Variants in ATP6V1A observed in about 807,000 individuals in gnomAD.
ATP6V1A encodes ATPase H+ transporting V1 subunit A.
Under a neutral mutation model 70.1 loss-of-function variants are expected in ATP6V1A, and 18 were observed. The ratio of observed to expected loss-of-function variants is 0.26; its 90% CI spans 0.18 to 0.38. The LOEUF is 0.38. ATP6V1A is among the 10% of genes least tolerant of loss of function. The pLI, the probability that ATP6V1A is intolerant of heterozygous loss-of-function variation, is 1.00. For missense variants in ATP6V1A, 424 were observed against 772.4 expected, an observed-to-expected ratio of 0.55 and a Z score of 5.35; for synonymous variants, 232 against 253.8, an observed-to-expected ratio of 0.91 and a Z score of 0.82.
chr3:113,800,812 T>TA (rs1267794651), intron 12 of ATP6V1A, among the ~76,000 whole-genome samples: 1 of 152,116 alleles, frequency 6.6e-6, no homozygotes, highest in Non-Finnish European at 1.5e-5. Flanking sequence ...CTACCCTGGT[T>TA]AAAGGTAACA....
intron 12 of ATP6V1A, among the ~76,000 whole-genome samples, chr3:113,799,918 C>T (rs552857636): frequency 6.6e-6 from 1 of 152,154 alleles, no homozygotes; most frequent in African/African-American, 2.4e-5. Flanking sequence ...TGCTCTTGGA[C>T]GGAATGACTT....
At chr3:113,750,766 G>GAA (rs1559746570) in intron 1 of ATP6V1A, among the ~76,000 whole-genome samples, 2 of 152,082 alleles carry the variant, frequency 1.3e-5, no homozygotes, top group African/African-American at 2.4e-5. Flanking sequence ...TAACTACTTT[G>GAA]ATTTTATATA....
intron 11 of ATP6V1A, among the ~76,000 whole-genome samples, chr3:113,797,216 C>T (rs1430776232): frequency 1.3e-5 from 2 of 150,700 alleles, no homozygotes; most frequent in Admixed American, 6.7e-5. Flanking sequence ...GGATTACAAG[C>T]GTGAGCCACC....
intron 1 of ATP6V1A, among the ~76,000 whole-genome samples, chr3:113,771,508 G>A (rs941470482): frequency 1.6e-4 from 22 of 139,246 alleles, no homozygotes; most frequent in African/African-American, 5.0e-4. Flanking sequence ...CGTGATCACC[G>A]CTTGCTGCAA....
At chr3:113,784,978 G>A in intron 5 of ATP6V1A, 145 bp downstream of exon 5, 1 of 912,106 alleles carries the variant, frequency 1.1e-6, no homozygotes, top group Non-Finnish European at 1.5e-6. Context: ...GTTTTTGTTT[G>A]TTTATTTTTA....
intron 10 of ATP6V1A, 89 bp from the exon 11 acceptor site, chr3:113,795,787 A>C: frequency 1.9e-6 from 2 of 1,038,520 alleles, no homozygotes; most frequent in South Asian, 1.6e-5. Flanking sequence ...TCGACTTTAA[A>C]AAAAGTTAAC....
intron 13 of ATP6V1A, among the ~76,000 whole-genome samples, chr3:113,805,000 T>G (rs1316611981): frequency 6.6e-6 from 1 of 152,238 alleles, no homozygotes; most frequent in Non-Finnish European, 1.5e-5. Context: ...GGTTACTTAT[T>G]TAACTGCATT....
In ATP6V1A at chr3:113,784,261, T is replaced by C; in HGVS notation, c.249T>C (p.Gly83=). ...VSVGDPVLRT[G]KPLSVELGPG... ...TTGGAGATCCTGTACTTCGCACTGG[T>C]AAACCCCTCTCTGTAGAGCTTGGTC... Residue 83 remains glycine, a synonymous_variant, in exon 4 of 15, where the codon GGT becomes GGC. Transcript: ENST00000273398. The C allele has an allele frequency of 6.2e-7, 1 of 1,614,218 alleles. No homozygotes were observed. The highest frequency in any genetic ancestry group is 8.5e-7 in the Non-Finnish European group (1 of 1,180,028).
chr3:113,760,186 A>G (rs1708687150), intron 1 of ATP6V1A, among the ~76,000 whole-genome samples: 1 of 152,214 alleles, frequency 6.6e-6, no homozygotes, highest in Non-Finnish European at 1.5e-5. Flanking sequence ...CTCTGAATTG[A>G]AAATGTCTGG....
chr3:113,759,931 A>G (rs116391357), intron 1 of ATP6V1A, among the ~76,000 whole-genome samples: 142 of 152,326 alleles, frequency 9.3e-4, no homozygotes, highest in African/African-American at 3.1e-3. Flanking sequence ...TCTAGCATTT[A>G]TAGTCTGGAA....
rs1445266208 is a variant in ATP6V1A, at chr3:113,811,290, C to G, written c.*1863C>G. ...GGAAAGAAGCAATCAGTAGAGAATT[C>G]AGGATAGTTTTGTTTAAATTCTTGC... On this transcript the variant is annotated 3_prime_UTR_variant, in exon 15 of 15. Transcript: ENST00000273398. The G allele has an allele frequency of 3.3e-5, 5 of 152,492 alleles. No homozygotes were observed. The highest frequency in any genetic ancestry group is 2.6e-4 in the Admixed American group (4 of 15,266). The allele number at this position is 152,492 out of a possible 1,614,324, so 9.4% of individuals were successfully genotyped here. A position where few individuals can be genotyped will look rare whatever the true frequency, so the allele number is the denominator to read the frequency against.
At chr3:113,764,266 T>C (rs930218217) in intron 1 of ATP6V1A, among the ~76,000 whole-genome samples, 2 of 151,834 alleles carry the variant, frequency 1.3e-5, no homozygotes, top group African/African-American at 2.4e-5. Context: ...ATTAGCAAAA[T>C]GTTAATAACA....
At chr3:113,777,209 T>C (rs1249030173) in intron 1 of ATP6V1A, among the ~76,000 whole-genome samples, 1 of 152,238 alleles carries the variant, frequency 6.6e-6, no homozygotes, top group East Asian at 1.9e-4. Context: ...GTTTTTTAAA[T>C]TGTATATCAA....
chr3:113,795,332 G>C, intron 10 of ATP6V1A, 128 bp downstream of exon 10: 1 of 1,014,058 alleles, frequency 9.9e-7, no homozygotes, highest in Non-Finnish European at 1.4e-6. Context: ...CTTAAGGAGG[G>C]TTGCACTCCA....
intron 1 of ATP6V1A, among the ~76,000 whole-genome samples, chr3:113,752,562 C>T (rs900448531): frequency 6.6e-6 from 1 of 151,920 alleles, no homozygotes; most frequent in Non-Finnish European, 1.5e-5. Context: ...ATCTTAACTA[C>T]TTGGATATCT....
rs1256432668 is a variant in ATP6V1A, at chr3:113,798,910, T to C, written c.1494+464T>C. 2.0e-5 allele frequency among the ~76,000 whole-genome samples: 3 copies of C among 152,238 alleles called. No individual in the cohort carries two copies. The East Asian group carries it at 5.8e-4, about 29-fold the overall frequency. On this transcript the variant is annotated intron_variant, in intron 12 of 14. Transcript: ENST00000273398. ...AAAAGACTTCTCAGATAGTATGCAA[T>C]GCTAGTTAGTACTCAGAGTTCTTTG...
intron 3 of ATP6V1A, among the ~76,000 whole-genome samples, chr3:113,782,887 A>G (rs1160992834): frequency 6.6e-6 from 1 of 151,898 alleles, no homozygotes; most frequent in African/African-American, 2.4e-5. Context: ...CTCCCAAGAT[A>G]GCATATTTTA....
chr3:113,811,606 T>TG lies in ATP6V1A; in HGVS notation c.*2179_*2180insG, dbSNP rs1299997404. On this transcript the variant is annotated 3_prime_UTR_variant, in exon 15 of 15. Coordinates refer to ENST00000273398, the MANE Select transcript of ATP6V1A (RefSeq NM_001690.4). Reference sequence around the variant, plus strand: ...AAGAAAGTTTGACCAAATTTGTTTTTTTGTTGTTGTTGTTGTTTTGAATTT... The same window carrying TG: ...AAGAAAGTTTGACCAAATTTGTTTTTGTTGTTGTTGTTGTTGTTTTGAATTT... 1.3e-5 allele frequency: 2 copies of TG among 152,598 alleles called. No homozygotes were observed. Among genetic ancestry groups the TG allele is most frequent in the African/African-American group, 4.8e-5 (2 of 41,442 alleles). 9.5% of individuals were successfully genotyped at this position (152,598 alleles called of 1,614,324 possible). A position where few individuals can be genotyped will look rare whatever the true frequency, so the allele number is the denominator to read the frequency against.
chr3:113,780,423 C>T (rs1446766049), intron 2 of ATP6V1A, among the ~76,000 whole-genome samples: 1 of 152,176 alleles, frequency 6.6e-6, no homozygotes, highest in African/African-American at 2.4e-5. Flanking sequence ...ATTCCATTGA[C>T]AATTTCTTAC....
Sources: gnomAD v4.1 joint callset for allele counts (sites outside exome capture counted in the v4.1 genomes callset) on GRCh38, gnomAD v4.1.1 for gene constraint, MANE v1.5 for transcripts, NCBI Gene and HGNC (gene_info 2026-07-23, HGNC 2026-07-21) for gene names.